The following SORD variants were observed in gnomAD, a reference collection of about 807,000 sequenced individuals.
SORD encodes the protein (R,R)-butanediol dehydrogenase.
Under a neutral mutation model 35.6 loss-of-function variants are expected in SORD, and 18 were observed. The observed-to-expected ratio is 0.51, with a 90% CI of 0.35 to 0.75. The LOEUF (loss-of-function observed/expected upper bound fraction) is 0.75, where lower values mean the gene tolerates loss of function less well. SORD is among the 30% of genes least tolerant of loss of function. The pLI is 0.01. For synonymous variants in SORD, 106 were observed against 152.9 expected (o/e 0.69, Z 2.26); for missense variants, 250 against 390.2 (o/e 0.64, Z 3.03).
In SORD at chr15:45,061,585, C is replaced by T. The variant is rs150359937; in HGVS notation, c.425+359C>T. 1.0e-3 allele frequency among the ~76,000 whole-genome samples: 155 copies of T among 152,028 alleles called. 3 individuals are homozygous for T. In the South Asian group the frequency reaches 0.017, roughly 17 times the overall value. On this transcript the variant is annotated intron_variant, in intron 4 of 8. Coordinates refer to ENST00000267814, the MANE Select transcript of SORD (RefSeq NM_003104.6). ...AGAAACGTCATAACAACAATGACCTCGGCCAGGTGTGGTGGCTCATGCCTG... is the reference window on the plus strand; with the variant it reads ...AGAAACGTCATAACAACAATGACCTTGGCCAGGTGTGGTGGCTCATGCCTG...
At chr15:45,073,097 G>A (rs1288052827) in intron 8 of SORD, among the ~76,000 whole-genome samples, 1 of 132,720 alleles carries the variant, frequency 7.5e-6, no homozygotes, top group Non-Finnish European at 1.5e-5. Context: ...CATGTGCCTT[G>A]TACCTTCATG....
chr15:45,053,591 G>T (rs184305465), intron 3 of SORD, among the ~76,000 whole-genome samples: 1 of 152,208 alleles, frequency 6.6e-6, no homozygotes, highest in Non-Finnish European at 1.5e-5. Flanking sequence ...TACAATTTAT[G>T]ACAGGCTTAT....
At chr15:45,067,514 C>T (rs1328431244) in intron 5 of SORD, among the ~76,000 whole-genome samples, 1 of 152,098 alleles carries the variant, frequency 6.6e-6, no homozygotes, top group African/African-American at 2.4e-5. Flanking sequence ...AAATTGTTCT[C>T]GGGGTTGTGT....
intron 2 of SORD, chr15:45,041,596 G>C (rs1386028037): frequency 6.6e-6 from 1 of 152,170 alleles, no homozygotes; most frequent in Non-Finnish European, 1.5e-5. Flanking sequence ...GCCATTCTAT[G>C]GGTGCTGAGT....
chr15:45,025,383 A>T (rs1489771931), intron 1 of SORD, among the ~76,000 whole-genome samples: 1 of 152,138 alleles, frequency 6.6e-6, no homozygotes, highest in African/African-American at 2.4e-5. Context: ...GATGCCTGTA[A>T]TCCCAGCACT....
chr15:45,028,300 G>A (rs112807318), intron 1 of SORD, among the ~76,000 whole-genome samples: 5 of 149,952 alleles, frequency 3.3e-5, no homozygotes, highest in Admixed American at 2.0e-4. Flanking sequence ...GCACTGCAGC[G>A]TGGGTGACAG....
intron 1 of SORD, among the ~76,000 whole-genome samples, chr15:45,038,782 G>A (rs186996694): frequency 1.3e-5 from 2 of 152,290 alleles, no homozygotes; most frequent in African/African-American, 2.4e-5. Context: ...TGTTTAGTGC[G>A]GTGGGGCTGC....
rs368460564 is a variant in SORD, at chr15:45,074,438, C to T, written c.*908C>T. 2 of 72,950 alleles carry T rather than the reference C, an allele frequency of 2.7e-5. No homozygotes were observed. The highest frequency in any genetic ancestry group is 7.5e-4 in the South Asian group (2 of 2,650). The allele number at this position is 72,950 out of a possible 1,614,324, so 4.5% of individuals were successfully genotyped here. A position where few individuals can be genotyped will look rare whatever the true frequency, so the allele number is the denominator to read the frequency against. On this transcript the variant is annotated 3_prime_UTR_variant, in exon 9 of 9. Coordinates refer to ENST00000267814, the MANE Select transcript of SORD (RefSeq NM_003104.6). ...TCCCATACTAGACTCATACTCAACT[C>T]AACTAGGCTCATACTCAATTGATGG...
At chr15:45,060,899 T>A in intron 3 of SORD, 168 bp from the exon 4 acceptor site, 1 of 1,433,420 alleles carries the variant, frequency 7.0e-7, no homozygotes. Context: ...GGAGGGTGGC[T>A]CGTTAAGCTA....
intron 3 of SORD, among the ~76,000 whole-genome samples, chr15:45,052,463 C>A (rs146884068): frequency 3.3e-5 from 5 of 152,230 alleles, no homozygotes; most frequent in South Asian, 4.1e-4. Flanking sequence ...GAACTAGAGG[C>A]CTTGGACAAA....
Position 45,069,058 on chromosome 15 carries a change from T to A in SORD, c.786+6T>A. Reference sequence around the variant, plus strand: ...CCATCCAGGCGGGCATCTACGTGAGTGGGCTGAGGGCAGCTTTGGGGAATC... The same window carrying A: ...CCATCCAGGCGGGCATCTACGTGAGAGGGCTGAGGGCAGCTTTGGGGAATC... On this transcript the variant is annotated splice_donor_region_variant and intron_variant, in intron 7 of 8. Transcript: ENST00000267814. The A allele has an allele frequency of 6.2e-7, 1 of 1,604,522 alleles. No individual in the cohort carries two copies.
In SORD at chr15:45,061,587, G is replaced by A. The variant is rs186597724; in HGVS notation, c.425+361G>A. ...AAACGTCATAACAACAATGACCTCGGCCAGGTGTGGTGGCTCATGCCTGTA... is the reference window on the plus strand; with the variant it reads ...AAACGTCATAACAACAATGACCTCGACCAGGTGTGGTGGCTCATGCCTGTA... On this transcript the variant is annotated intron_variant, in intron 4 of 8. Transcript: ENST00000267814. 4.6e-5 allele frequency among the ~76,000 whole-genome samples: 7 copies of A among 151,864 alleles called. No individual in the cohort carries two copies. The East Asian group carries it at 1.2e-3, about 25-fold the overall frequency.
At chr15:45,032,291 ATTT>A (rs1892799353) in intron 1 of SORD, among the ~76,000 whole-genome samples, 1 of 152,188 alleles carries the variant, frequency 6.6e-6, no homozygotes, top group Admixed American at 6.6e-5. Flanking sequence ...AAGATGGTAA[ATTT>A]TATGTTATGT....
chr15:45,025,292 C>G (rs900342683), intron 1 of SORD, among the ~76,000 whole-genome samples: 14 of 152,272 alleles, frequency 9.2e-5, no homozygotes, highest in Non-Finnish European at 1.3e-4. Context: ...GCGTCATTTA[C>G]TAGTCAGAGT....
At chr15:45,067,023 T>G (rs1893417563) in intron 5 of SORD, among the ~76,000 whole-genome samples, 1 of 152,134 alleles carries the variant, frequency 6.6e-6, no homozygotes, top group African/African-American at 2.4e-5. Context: ...AGTTAGTTAG[T>G]TTTTTTCTGA....
At chr15:45,061,892 C>A (rs1360733641) in intron 4 of SORD, among the ~76,000 whole-genome samples, 1 of 151,978 alleles carries the variant, frequency 6.6e-6, no homozygotes, top group Non-Finnish European at 1.5e-5. Context: ...ACAACAATGA[C>A]CTCGACAATA....
intron 1 of SORD, among the ~76,000 whole-genome samples, chr15:45,030,588 C>T (rs1892763768): frequency 2.0e-5 from 3 of 152,212 alleles, no homozygotes; most frequent in South Asian, 2.1e-4. Flanking sequence ...ATCAAGATCA[C>T]GAACAGACTA....
At position 45,063,460 on chromosome 15, in the gene SORD, G is replaced by A. The variant is rs575322998; in HGVS notation, c.426-1811G>A. Among the ~76,000 whole-genome samples, 112 of 151,856 alleles carry A rather than the reference G, an allele frequency of 7.4e-4. 1 individual carries two copies. The highest frequency in any genetic ancestry group is 2.6e-3 in the African/African-American group (109 of 41,250). ...ATCAACCCCCACTGGACAAGATTGG[G>A]GAGGGTGGAGTCAGTGGTTTTCCCA... On this transcript the variant is annotated intron_variant, in intron 4 of 8. Coordinates refer to ENST00000267814, the MANE Select transcript of SORD (RefSeq NM_003104.6).
intron 3 of SORD, among the ~76,000 whole-genome samples, chr15:45,048,737 C>A (rs138993414): frequency 6.6e-6 from 1 of 151,790 alleles, no homozygotes; most frequent in African/African-American, 2.4e-5. Flanking sequence ...GAGGTTGGAA[C>A]GAAAGTTTAA....
Sources: allele counts gnomAD v4.1 joint callset (sites outside exome capture counted in the v4.1 genomes callset), GRCh38; gene constraint gnomAD v4.1.1; transcripts MANE v1.5; gene names NCBI Gene and HGNC (gene_info 2026-07-23, HGNC 2026-07-21).